The following GNPTAB variants were observed in gnomAD, a reference collection of about 807,000 sequenced individuals.
GNPTAB encodes the protein N-acetylglucosamine-1-phosphotransferase subunits alpha/beta.
GNPTAB carries 92 observed loss-of-function variants against 136.6 expected under a neutral mutation model. That is an observed-to-expected ratio of 0.67 (90% confidence interval 0.57 to 0.80). The LOEUF is 0.80. GNPTAB is among the 30% of genes least tolerant of loss of function. The pLI, the probability that GNPTAB is intolerant of heterozygous loss-of-function variation, is 0.00. For synonymous variants in GNPTAB, 512 were observed against 535.1 expected (o/e 0.96, Z 0.60); for missense variants, 1,343 against 1,501.8 (o/e 0.89, Z 1.75).
In GNPTAB at chr12:101,764,604, A is replaced by G. The variant is rs1441924926; in HGVS notation, c.2313T>C (p.His771=). The change falls in exon 13 of 21, where the codon CAT becomes CAC. Residue 771 remains histidine, a synonymous_variant. Coordinates refer to ENST00000299314, the MANE Select transcript of GNPTAB (RefSeq NM_024312.5). ...CTAAGCTGTTTGGCAAGATGCTTTT[A>G]TGAACCTGTTTTTCCTGTGGAGCCA... The part of the protein sequence containing the change: ...SLVAPQEKQV[H]KSILPNSLGV... The G allele has an allele frequency of 1.9e-6, 3 of 1,614,032 alleles. No individual in the cohort carries two copies. The highest frequency in any genetic ancestry group is 1.1e-5 in the South Asian group (1 of 91,048).
At chr12:101,786,583 T>C (rs184559047) in intron 4 of GNPTAB, among the ~76,000 whole-genome samples, 2 of 152,296 alleles carry the variant, frequency 1.3e-5, no homozygotes, top group East Asian at 1.9e-4. Context: ...TTCTGGTTAA[T>C]AGAGTGTCAT....
intron 7 of GNPTAB, among the ~76,000 whole-genome samples, chr12:101,772,561 C>G (rs1953192275): frequency 6.6e-6 from 1 of 152,230 alleles, no homozygotes; most frequent in African/African-American, 2.4e-5. Flanking sequence ...TCACCACTTT[C>G]ACCTCTTTTA....
intron 20 of GNPTAB, 22 bp downstream of exon 20, chr12:101,749,079 A>G (rs746260932): frequency 2.4e-6 from 3 of 1,267,624 alleles, no homozygotes; most frequent in Non-Finnish European, 3.5e-6. Context: ...TTTAATACCC[A>G]CATAAAATAT....
intron 1 of GNPTAB, among the ~76,000 whole-genome samples, chr12:101,829,140 T>G (rs1297668529): frequency 6.6e-6 from 1 of 152,186 alleles, no homozygotes; most frequent in Admixed American, 6.5e-5. Flanking sequence ...AATGTCTCTC[T>G]TTTGGTAAAC....
Position 101,766,504 on chromosome 12 carries a change from G to A in GNPTAB, c.1409-210C>T, listed in dbSNP as rs574974996. On this transcript the variant is annotated intron_variant, in intron 11 of 20. Transcript: ENST00000299314. The stretch of plus-strand genomic sequence containing the variant: ...AACACAAAAATTAGCTGGGCGTGGT[G>A]GTGGGCGCCTGTAATCCCAACTACT... Among the ~76,000 whole-genome samples the A allele has an allele frequency of 1.2e-3, 188 of 152,266 alleles. 2 individuals are homozygous for A. The highest frequency in any genetic ancestry group is 4.2e-3 in the African/African-American group (173 of 41,554).
chr12:101,794,926 T>A (rs938407264), intron 2 of GNPTAB, among the ~76,000 whole-genome samples: 59 of 152,144 alleles, frequency 3.9e-4, no homozygotes, highest in Admixed American at 3.2e-3. Flanking sequence ...AATTAATTTT[T>A]AAAATCAATT....
chr12:101,797,225 C>A (rs778041041), intron 1 of GNPTAB, among the ~76,000 whole-genome samples: 1 of 152,054 alleles, frequency 6.6e-6, no homozygotes, highest in Admixed American at 6.6e-5. Flanking sequence ...CTAAGCGTGA[C>A]GTGCCTTCTG....
chr12:101,813,651 T>A (rs960323008), intron 1 of GNPTAB, among the ~76,000 whole-genome samples: 6 of 152,202 alleles, frequency 3.9e-5, no homozygotes, highest in African/African-American at 1.4e-4. Flanking sequence ...TGTTAAATAC[T>A]AGGAACAGCA....
At chr12:101,801,087 G>A (rs140603632) in intron 1 of GNPTAB, among the ~76,000 whole-genome samples, 1 of 151,206 alleles carries the variant, frequency 6.6e-6, no homozygotes. Flanking sequence ...TAAAAAATTG[G>A]CCAGGCATGG....
chr12:101,760,020 T>C lies in GNPTAB; in HGVS notation c.3249+10A>G. On this transcript the variant is annotated intron_variant, in intron 16 of 20. Transcript: ENST00000299314. ...TTCTGTTGTACATAAAAGTAACCCA[T>C]TCCACTTACCAGGTTGGGATCATAG... 1 of 1,484,344 alleles carries C rather than the reference T, an allele frequency of 6.7e-7. No homozygotes were observed. The highest frequency in any genetic ancestry group is 9.4e-7 in the Non-Finnish European group (1 of 1,061,466). The allele number at this position is 1,484,344 out of a possible 1,614,324, so 91.9% of individuals were successfully genotyped here.
In GNPTAB at chr12:101,757,249, C is replaced by T; in HGVS notation, c.3397G>A (p.Val1133Met). ...FKMIRTNVSH[V>M]VGQLDDIRKN... is the part of the protein sequence containing the mutation. Reference sequence around the variant, plus strand: ...CTTATGTCATCCAACTGGCCAACCACATGAGAAACGTTGGTACGAATCATT... The same window carrying T: ...CTTATGTCATCCAACTGGCCAACCATATGAGAAACGTTGGTACGAATCATT... The change falls in exon 18 of 21, where the codon GTG becomes ATG. Residue 1133 changes from valine (V) to methionine (M), a missense_variant. Val to Met is a conservative substitution (Grantham distance 21). Transcript: ENST00000299314. 1 of 1,609,554 alleles carries T rather than the reference C, an allele frequency of 6.2e-7. No individual in the cohort carries two copies. The highest frequency in any genetic ancestry group is 8.5e-7 in the Non-Finnish European group (1 of 1,176,438).
At chr12:101,768,569 T>C (rs943020096) in intron 10 of GNPTAB, among the ~76,000 whole-genome samples, 1 of 152,184 alleles carries the variant, frequency 6.6e-6, no homozygotes, top group African/African-American at 2.4e-5. Context: ...AGCTCATTAG[T>C]GTATTTGTGC....
At chr12:101,827,801 C>T (rs1871171331) in intron 1 of GNPTAB, among the ~76,000 whole-genome samples, 1 of 152,042 alleles carries the variant, frequency 6.6e-6, no homozygotes, top group Non-Finnish European at 1.5e-5. Context: ...CCTGTCTCTA[C>T]TAAAAATACA....
chr12:101,765,375 T>C lies in GNPTAB; in HGVS notation c.1613-71A>G, dbSNP rs535867903. 29 of 1,016,250 alleles carry C rather than the reference T, an allele frequency of 2.9e-5. No homozygotes were observed. The East Asian group carries it at 6.9e-4, about 24-fold the overall frequency. 63.0% of individuals were successfully genotyped at this position (1,016,250 alleles called of 1,614,324 possible). ...TTTCCTCTGTTTTCCTTTAATTCTTTGAGTCTGAGTTTTCACTTTCTTTTA... is the reference window on the plus strand; with the variant it reads ...TTTCCTCTGTTTTCCTTTAATTCTTCGAGTCTGAGTTTTCACTTTCTTTTA... On this transcript the variant is annotated intron_variant, in intron 12 of 20. Transcript: ENST00000299314.
chr12:101,757,411 C>T lies in GNPTAB; in HGVS notation c.3336-101G>A, dbSNP rs921704035. On this transcript the variant is annotated intron_variant, in intron 17 of 20. Transcript: ENST00000299314. ...TTTTTTAAAACCGTAGTGGACTCAACATCCACAAAATAACTTAAACTTTTA... is the reference window on the plus strand; with the variant it reads ...TTTTTTAAAACCGTAGTGGACTCAATATCCACAAAATAACTTAAACTTTTA... The T allele has an allele frequency of 4.1e-5, 33 of 810,856 alleles. No individual in the cohort carries two copies. The African/African-American group carries it at 5.1e-4, about 12-fold the overall frequency. 50.2% of individuals were successfully genotyped at this position (810,856 alleles called of 1,614,324 possible).
At chr12:101,776,608 C>T (rs1015275943) in intron 7 of GNPTAB, among the ~76,000 whole-genome samples, 1 of 152,190 alleles carries the variant, frequency 6.6e-6, no homozygotes, top group South Asian at 2.1e-4. Context: ...ATGACAAAGG[C>T]CTAGTTGTGT....
intron 1 of GNPTAB, among the ~76,000 whole-genome samples, chr12:101,806,279 A>C (rs911978910): frequency 3.9e-5 from 6 of 152,258 alleles, no homozygotes; most frequent in Non-Finnish European, 7.3e-5. Context: ...ACAGACAAAC[A>C]AGCCAAAACT....
At chr12:101,785,968 T>G in intron 5 of GNPTAB, 44 bp downstream of exon 5, 1 of 1,362,112 alleles carries the variant, frequency 7.3e-7, no homozygotes, top group South Asian at 1.2e-5. Flanking sequence ...TATTCAAACA[T>G]CCAATGATAA....
At chr12:101,781,972 T>C (rs1272162978) in intron 5 of GNPTAB, among the ~76,000 whole-genome samples, 1 of 152,184 alleles carries the variant, frequency 6.6e-6, no homozygotes, top group Non-Finnish European at 1.5e-5. Context: ...ACTTAACCAA[T>C]TCTACCAAAG....
Sources: allele counts gnomAD v4.1 joint callset (sites outside exome capture counted in the v4.1 genomes callset), GRCh38; gene constraint gnomAD v4.1.1; transcripts MANE v1.5; gene names NCBI Gene and HGNC (gene_info 2026-07-23, HGNC 2026-07-21).